The following COL21A1 variants were observed in gnomAD, a reference collection of about 807,000 sequenced individuals.
COL21A1 encodes collagen type XXI alpha 1 chain.
A neutral mutation model predicts 137.9 loss-of-function variants in COL21A1; 149 were observed. That is an observed-to-expected ratio of 1.08 (90% CI 0.95 to 1.24). The LOEUF is 1.24. Among genes scored for constraint, COL21A1 ranks in the 50% most tolerant of loss-of-function variants. The pLI, the probability that COL21A1 is intolerant of heterozygous loss-of-function variation, is 0.00. For synonymous variants in COL21A1, 456 were observed against 391.5 expected, an observed-to-expected ratio of 1.16 and a Z score of -1.95; for missense variants, 1,167 against 1,158.4, an observed-to-expected ratio of 1.01 and a Z score of -0.11.
At chr6:56,125,314 C>T (rs543159809) in intron 14 of COL21A1, 29 of 265,194 alleles carry the variant, frequency 1.1e-4, no homozygotes, top group Non-Finnish European at 1.5e-4. Context: ...CCACCGCGCC[C>T]GGCCTGTAAA....
At chr6:56,061,422 C>T (rs1275690689) in intron 25 of COL21A1, among the ~76,000 whole-genome samples, 2 of 152,070 alleles carry the variant, frequency 1.3e-5, no homozygotes, top group African/African-American at 4.8e-5. Flanking sequence ...AAATTCAGCT[C>T]CAAGTCTGGA....
At chr6:56,163,151 A>C (rs1289502366) in intron 9 of COL21A1, among the ~76,000 whole-genome samples, 1 of 152,230 alleles carries the variant, frequency 6.6e-6, no homozygotes, top group Non-Finnish European at 1.5e-5. Context: ...CTAATCAGAA[A>C]ATTCAGTCTA....
chr6:56,069,589 G>A (rs1376523158), intron 21 of COL21A1, among the ~76,000 whole-genome samples: 1 of 149,878 alleles, frequency 6.7e-6, no homozygotes, highest in African/African-American at 2.4e-5. Context: ...TTTTTATTTT[G>A]TTATGTATTT....
At chr6:56,070,596 A>G (rs1766656661) in intron 21 of COL21A1, 149 bp downstream of exon 21, 1 of 535,922 alleles carries the variant, frequency 1.9e-6, no homozygotes, top group African/African-American at 2.0e-5. Context: ...TGTATTGACA[A>G]TTTCATTTCA....
At chr6:56,238,811 C>T (rs1271518685) in intron 1 of COL21A1, among the ~76,000 whole-genome samples, 1 of 152,172 alleles carries the variant, frequency 6.6e-6, no homozygotes, top group East Asian at 1.9e-4. Flanking sequence ...CTTTCCAAAA[C>T]ATAGGGATTC....
chr6:56,067,447 C>T (rs1310252179), intron 22 of COL21A1, 117 bp from the exon 23 acceptor site: 3 of 772,282 alleles, frequency 3.9e-6, no homozygotes, highest in Non-Finnish European at 6.2e-6. Flanking sequence ...CCACAAGTGC[C>T]TGTATACACA....
At chr6:56,345,895 G>C (rs1453327154) in intron 1 of COL21A1, among the ~76,000 whole-genome samples, 1 of 152,122 alleles carries the variant, frequency 6.6e-6, no homozygotes, top group African/African-American at 2.4e-5. Flanking sequence ...CTGCTACTCA[G>C]GGGCCAGACT....
At chr6:56,187,069 A>C (rs1266802737) in intron 1 of COL21A1, among the ~76,000 whole-genome samples, 2 of 152,212 alleles carry the variant, frequency 1.3e-5, no homozygotes, top group Non-Finnish European at 2.9e-5. Context: ...TTATAAAGAA[A>C]ATACATTTAT....
intron 1 of COL21A1, among the ~76,000 whole-genome samples, chr6:56,321,539 C>A (rs995238007): frequency 1.3e-5 from 2 of 151,966 alleles, no homozygotes; most frequent in African/African-American, 4.8e-5. Context: ...TATTGCAGAC[C>A]ATGTAAATGA....
At chr6:56,369,625 A>G (rs1352424599) in intron 1 of COL21A1, among the ~76,000 whole-genome samples, 1 of 152,198 alleles carries the variant, frequency 6.6e-6, no homozygotes. Context: ...ATAAGATATG[A>G]TAAAAGGAGT....
chr6:56,059,911 T>A lies in COL21A1; in HGVS notation c.2608+107A>T. ...TATTTAAAGACGAGCATTTACAGAT[T>A]TTTTTATCATGAAAAAAGTTAACTC... On this transcript the variant is annotated intron_variant, in intron 28 of 29. Coordinates refer to ENST00000244728, the MANE Select transcript of COL21A1 (RefSeq NM_030820.4). 4 of 720,698 alleles carry A rather than the reference T, an allele frequency of 5.6e-6. 1 individual carries two copies. Among genetic ancestry groups the A allele is most frequent in the Non-Finnish European group, 6.7e-6 (3 of 445,330 alleles). The allele number at this position is 720,698 out of a possible 1,614,324, so 44.6% of individuals were successfully genotyped here.
In COL21A1 at chr6:56,101,506, C is replaced by T. The variant is rs1210321150; in HGVS notation, c.1778G>A (p.Gly593Asp). The change falls in exon 17 of 30, where the codon GGT becomes GAT. Residue 593 changes from glycine (G) to aspartate (D), a missense_variant. By Grantham distance (94) the Gly-to-Asp change is moderately conservative (BLOSUM62 -1). Transcript: ENST00000244728. ...PGFKGEAGSP[G>D]APGQDGTRGE... ...CCGTGTTCCATCCTGCCCCGGAGCA[C>T]CAGGGGATCCTGCTTCTCCCTTTTA... is the stretch of plus-strand genomic sequence containing the variant. 2.5e-6 allele frequency: 4 copies of T among 1,593,148 alleles called. No homozygotes were observed. Among genetic ancestry groups the T allele is most frequent in the East Asian group, 2.3e-5 (1 of 44,408 alleles).
rs180753035 is a variant in COL21A1, at chr6:56,334,635, C to T, written c.-39+59336G>A. Among the ~76,000 whole-genome samples, 3 of 152,216 alleles carry T rather than the reference C, an allele frequency of 2.0e-5. No homozygotes were observed. The East Asian group carries it at 5.8e-4, about 29-fold the overall frequency. ...ATTCAGTAAATTATAGGATCTGTTC[C>T]TTGGTTTTGGTTGGCTCAGAGTCTT... On this transcript the variant is annotated intron_variant, in intron 1 of 28. Transcript: ENST00000370819.
intron 10 of COL21A1, among the ~76,000 whole-genome samples, chr6:56,151,422 T>C (rs1330661121): frequency 6.6e-6 from 1 of 152,188 alleles, no homozygotes; most frequent in Non-Finnish European, 1.5e-5. Context: ...TGGCAGGATA[T>C]ATAAATATTT....
intron 18 of COL21A1, among the ~76,000 whole-genome samples, chr6:56,076,634 A>G (rs1767272022): frequency 6.6e-6 from 1 of 151,456 alleles, no homozygotes. Context: ...AACAGATTAG[A>G]CACAATAAAG....
At chr6:56,359,692 T>C (rs559802328) in intron 1 of COL21A1, among the ~76,000 whole-genome samples, 1 of 152,300 alleles carries the variant, frequency 6.6e-6, no homozygotes, top group African/African-American at 2.4e-5. Context: ...GATATATTAA[T>C]GGAGGATGGA....
At chr6:56,101,716 AAAC>A (rs1296786918) in intron 16 of COL21A1, among the ~76,000 whole-genome samples, 191 bp from the exon 17 acceptor site, 3 of 152,026 alleles carry the variant, frequency 2.0e-5, no homozygotes, top group Non-Finnish European at 2.9e-5. Context: ...GTGACTATAT[AAAC>A]AACAAAAATG....
intron 1 of COL21A1, among the ~76,000 whole-genome samples, chr6:56,205,629 A>G (rs573456083): frequency 6.6e-6 from 1 of 152,216 alleles, no homozygotes; most frequent in Non-Finnish European, 1.5e-5. Flanking sequence ...CAGGAAATAC[A>G]GAGAATACCA....
At chr6:56,325,999 TA>T (rs1279743677) in intron 1 of COL21A1, among the ~76,000 whole-genome samples, 702 of 2,018 alleles carry the variant, frequency 0.35, 155 homozygotes, top group East Asian at 0.77. Flanking sequence ...TGTATATACA[TA>T]CATATATTAT....
Sources: gnomAD v4.1 joint callset for allele counts (sites outside exome capture counted in the v4.1 genomes callset) on GRCh38, gnomAD v4.1.1 for gene constraint, MANE v1.5 for transcripts, NCBI Gene and HGNC (gene_info 2026-07-23, HGNC 2026-07-21) for gene names.